The following TRIM33 variants were observed in gnomAD, a reference collection of about 807,000 sequenced individuals.
The protein encoded by TRIM33 is E3 ubiquitin-protein ligase TRIM33.
Under a neutral mutation model 125.4 loss-of-function variants are expected in TRIM33, and 20 were observed. The observed-to-expected ratio is 0.16, with a 90% confidence interval of 0.11 to 0.23. The LOEUF is 0.23. Ranked by LOEUF, TRIM33 falls within the 10% of genes least tolerant of loss-of-function variation. TRIM33 has a pLI of 1.00. For missense variants in TRIM33, 920 were observed against 1,411.4 expected (o/e 0.65, Z 5.58); for synonymous variants, 564 against 513.9 (o/e 1.10, Z -1.32).
At chr1:114,416,101 T>C (rs1426194065) in intron 11 of TRIM33, among the ~76,000 whole-genome samples, 1 of 152,206 alleles carries the variant, frequency 6.6e-6, no homozygotes, top group East Asian at 1.9e-4. Flanking sequence ...AGTTCTCAGA[T>C]ATTTGTTAAA....
chr1:114,481,679 A>G lies in TRIM33; in HGVS notation c.527-17291T>C, dbSNP rs1021540772. On this transcript the variant is annotated intron_variant, in intron 1 of 19. Transcript: ENST00000358465. ...TGTGTGTGTATATATATGTGTGTATATATATATATATGTGTGTATATATAT... is the reference window on the plus strand; with the variant it reads ...TGTGTGTGTATATATATGTGTGTATGTATATATATATGTGTGTATATATAT... 2.9e-3 allele frequency among the ~76,000 whole-genome samples: 439 copies of G among 149,922 alleles called. 5 individuals are homozygous for G. Among genetic ancestry groups the G allele is most frequent in the African/African-American group, 0.01 (409 of 40,486 alleles).
chr1:114,484,913 G>A (rs779034074), intron 1 of TRIM33, among the ~76,000 whole-genome samples: 23 of 151,778 alleles, frequency 1.5e-4, no homozygotes, highest in Non-Finnish European at 2.2e-4. Context: ...ATAGCCAGGC[G>A]TGGTGGCACA....
At chr1:114,496,714 T>G (rs1652387487) in intron 1 of TRIM33, among the ~76,000 whole-genome samples, 1 of 152,228 alleles carries the variant, frequency 6.6e-6, no homozygotes, top group Non-Finnish European at 1.5e-5. Flanking sequence ...AAATTTTAAT[T>G]AACTCACCAC....
intron 1 of TRIM33, 93 bp downstream of exon 1, chr1:114,510,458 A>G: frequency 3.2e-6 from 4 of 1,240,306 alleles, no homozygotes; most frequent in Non-Finnish European, 4.2e-6. Context: ...CGCCCGTCCG[A>G]GCAGCCCCAG....
In TRIM33 at chr1:114,405,859, G is replaced by T. The variant is rs1652198116; in HGVS notation, c.2419-100C>A. The T allele has an allele frequency of 1.3e-5, 13 of 1,034,710 alleles. 3 individuals carry two copies. In the South Asian group the frequency reaches 2.2e-4, roughly 17 times the overall value. 64.1% of individuals were successfully genotyped at this position (1,034,710 alleles called of 1,614,324 possible). A position where few individuals can be genotyped will look rare whatever the true frequency, so the allele number is the denominator to read the frequency against. Reference sequence around the variant, plus strand: ...ATGTGAATATGCATATAGATATACTGACGTAACAAATTTATTTTATAGATC... The same window carrying T: ...ATGTGAATATGCATATAGATATACTTACGTAACAAATTTATTTTATAGATC... On this transcript the variant is annotated intron_variant, in intron 14 of 19. Transcript: ENST00000358465.
chr1:114,428,071 T>C (rs1647704133), intron 6 of TRIM33, among the ~76,000 whole-genome samples, 177 bp from the exon 7 acceptor site: 1 of 152,252 alleles, frequency 6.6e-6, no homozygotes, highest in Non-Finnish European at 1.5e-5. Flanking sequence ...AAAGTGGGAC[T>C]AAAAGTCAGT....
At chr1:114,461,211 T>TAAAA (rs569418875) in intron 4 of TRIM33, among the ~76,000 whole-genome samples, 77 of 96,146 alleles carry the variant, frequency 8.0e-4, no homozygotes, top group East Asian at 4.8e-3. Flanking sequence ...AACCTGTCTT[T>TAAAA]AAAAATATAT....
chr1:114,447,037 G>A (rs1276774451), intron 4 of TRIM33, among the ~76,000 whole-genome samples: 1 of 152,204 alleles, frequency 6.6e-6, no homozygotes, highest in East Asian at 1.9e-4. Context: ...GATAGGCAGA[G>A]TAGTAGCAGA....
At chr1:114,505,002 G>C (rs923842175) in intron 1 of TRIM33, among the ~76,000 whole-genome samples, 5 of 152,014 alleles carry the variant, frequency 3.3e-5, no homozygotes, top group Admixed American at 1.3e-4. Flanking sequence ...CAATTTATTG[G>C]GGGCTTCCCA....
intron 4 of TRIM33, among the ~76,000 whole-genome samples, chr1:114,440,265 T>A (rs1225411376): frequency 6.6e-6 from 1 of 151,992 alleles, no homozygotes. Flanking sequence ...GAAATTTAAC[T>A]GTCGGAAACT....
chr1:114,419,877 C>T (rs1196435343), intron 11 of TRIM33, among the ~76,000 whole-genome samples: 3 of 152,120 alleles, frequency 2.0e-5, no homozygotes, highest in East Asian at 3.8e-4. Context: ...AATATACACA[C>T]TTACTTTAAA....
rs190396705 is a variant in TRIM33, at chr1:114,493,804, C to T, written c.526+16747G>A. ...CCTGCCTCAACCTCCCAAGTACCTA[C>T]CAGGGACCACAGACGTGAACCACAT... is the stretch of plus-strand genomic sequence containing the variant. On this transcript the variant is annotated intron_variant, in intron 1 of 19. Transcript: ENST00000358465. Among the ~76,000 whole-genome samples, 652 of 152,208 alleles carry T rather than the reference C, an allele frequency of 4.3e-3. 2 individuals are homozygous for T. The highest frequency in any genetic ancestry group is 7.5e-3 in the Non-Finnish European group (512 of 67,994).
chr1:114,466,581 T>C (rs557071551), intron 1 of TRIM33, among the ~76,000 whole-genome samples: 1 of 152,106 alleles, frequency 6.6e-6, no homozygotes, highest in African/African-American at 2.4e-5. Context: ...ACCAGTCCTG[T>C]GGGGGCTGCG....
At chr1:114,457,866 T>C (rs550980331) in intron 4 of TRIM33, among the ~76,000 whole-genome samples, 1 of 152,376 alleles carries the variant, frequency 6.6e-6, no homozygotes, top group Non-Finnish European at 1.5e-5. Context: ...CACGGAACTC[T>C]GCAGTTGGTG....
rs1022788639 is a variant in TRIM33 at position 114,510,921 on chromosome 1, C to T, written c.156G>A (p.Arg52=). The change falls in exon 1 of 20, where the codon AGG becomes AGA. Residue 52 remains arginine (R), a synonymous_variant. Transcript: ENST00000358465. ...LVEEEEEEGG[R]AGAEGGAAGP... ...CGGCCGCGCCGCCCTCAGCGCCGGC[C>T]CTGCCGCCTTCCTCCTCCTCCTCCT... 3 of 1,420,322 alleles carry T rather than the reference C, an allele frequency of 2.1e-6. No homozygotes were observed. The highest frequency in any genetic ancestry group is 3.0e-5 in the African/African-American group (2 of 66,638). 88.0% of individuals were successfully genotyped at this position (1,420,322 alleles called of 1,614,324 possible).
At chr1:114,452,289 G>A (rs6688160) in intron 4 of TRIM33, among the ~76,000 whole-genome samples, 3,917 of 151,948 alleles carry the variant, frequency 0.026, 87 homozygotes, top group Non-Finnish European at 0.034. Context: ...GTGAAACCCC[G>A]TCTCTACTAA....
Position 114,453,024 on chromosome 1 carries a change from G to T in TRIM33, c.923+10080C>A, listed in dbSNP as rs191005887. 2.0e-3 allele frequency among the ~76,000 whole-genome samples: 309 copies of T among 152,264 alleles called. 1 individual carries two copies. Among genetic ancestry groups the T allele is most frequent in the Admixed American group, 4.6e-3 (70 of 15,290 alleles). ...TTAAGTCCAGAGCGAGGAAGAGGGG[G>T]TGTTGGTAGGGAGGGAAAAGAATGG... On this transcript the variant is annotated intron_variant, in intron 4 of 19. Transcript: ENST00000358465.
intron 4 of TRIM33, 142 bp downstream of exon 4, chr1:114,462,962 T>C (rs1650082045): frequency 6.7e-6 from 4 of 598,790 alleles, no homozygotes; most frequent in Non-Finnish European, 1.0e-5. Flanking sequence ...AAAACATATA[T>C]TGCTCAAGAA....
At position 114,428,195 on chromosome 1, in the gene TRIM33, G is replaced by A. The variant is rs534694391; in HGVS notation, c.1156-301C>T. ...TTCCTATTAGATTAATCTAATATAT[G>A]GTATTTATAGCATAAGGAGCTAACT... On this transcript the variant is annotated intron_variant, in intron 6 of 19. Coordinates refer to ENST00000358465, the MANE Select transcript of TRIM33 (RefSeq NM_015906.4). Among the ~76,000 whole-genome samples, 7 of 152,156 alleles carry A rather than the reference G, an allele frequency of 4.6e-5. No homozygotes were observed. The South Asian group carries it at 1.5e-3, about 32-fold the overall frequency.
Sources: allele counts gnomAD v4.1 joint callset (sites outside exome capture counted in the v4.1 genomes callset), GRCh38; gene constraint gnomAD v4.1.1; transcripts MANE v1.5; gene names NCBI Gene and HGNC (gene_info 2026-07-23, HGNC 2026-07-21).